MYO5B: variants seen among roughly 807,000 people sequenced by gnomAD.
MYO5B encodes myosin VB.
In MYO5B, 143 loss-of-function variants were observed where a neutral mutation model predicts 229.3. That is an observed-to-expected ratio of 0.62 (90% CI 0.54 to 0.72). MYO5B has a LOEUF of 0.72. Ranked by LOEUF, MYO5B falls within the 30% of genes least tolerant of loss-of-function variation. The pLI, the probability that MYO5B is intolerant of heterozygous loss-of-function variation, is 0.00. For missense variants in MYO5B, 2,321 were observed against 2,331.0 expected, an observed-to-expected ratio of 1.00 and a Z score of 0.09; for synonymous variants, 918 against 885.2, an observed-to-expected ratio of 1.04 and a Z score of -0.66.
At chr18:49,879,511 G>T in intron 23 of MYO5B, 1 of 242,196 alleles carries the variant, frequency 4.1e-6, no homozygotes, top group South Asian at 6.1e-5. Context: ...AGGAAAGAAG[G>T]CAAATAGAGA....
intron 17 of MYO5B, among the ~76,000 whole-genome samples, chr18:49,921,213 G>T (rs981994702): frequency 6.6e-6 from 1 of 150,438 alleles, no homozygotes; most frequent in East Asian, 2.0e-4. Flanking sequence ...CTTTTATGAA[G>T]TGAAGGTGGG....
At chr18:50,030,995 C>T (rs926018815) in intron 4 of MYO5B, among the ~76,000 whole-genome samples, 1 of 149,732 alleles carries the variant, frequency 6.7e-6, no homozygotes, top group Non-Finnish European at 1.5e-5. Flanking sequence ...ACCAACAAGG[C>T]TGGAAAACAC....
chr18:50,006,328 A>G (rs140151458), intron 4 of MYO5B, among the ~76,000 whole-genome samples: 143 of 152,304 alleles, frequency 9.4e-4, no homozygotes, highest in African/African-American at 3.3e-3. Context: ...ACTTGCATCA[A>G]TCTGCTTTTC....
chr18:50,026,627 G>A (rs531347055), intron 4 of MYO5B, among the ~76,000 whole-genome samples: 6 of 152,260 alleles, frequency 3.9e-5, no homozygotes, highest in Admixed American at 2.6e-4. Flanking sequence ...CCTATAAATG[G>A]AATCTTACTC....
chr18:50,009,488 T>C (rs188314028), intron 4 of MYO5B, among the ~76,000 whole-genome samples: 218 of 152,130 alleles, frequency 1.4e-3, no homozygotes, highest in African/African-American at 5.0e-3. Context: ...TATATTAATA[T>C]AAAAAACCTA....
chr18:49,918,571 G>A (rs934488880), intron 17 of MYO5B, among the ~76,000 whole-genome samples: 5 of 152,188 alleles, frequency 3.3e-5, no homozygotes, highest in Non-Finnish European at 7.3e-5. Flanking sequence ...CATGGAGGTG[G>A]AATGCAAGAG....
At chr18:50,136,374 T>A (rs562602116) in intron 1 of MYO5B, among the ~76,000 whole-genome samples, 2 of 151,042 alleles carry the variant, frequency 1.3e-5, no homozygotes, top group African/African-American at 4.9e-5. Context: ...CTTTTTTTTT[T>A]TTTTTTGCAT....
chr18:50,100,294 GCTGTCACA>G (rs1413038949), intron 1 of MYO5B, among the ~76,000 whole-genome samples: 6 of 152,210 alleles, frequency 3.9e-5, no homozygotes, highest in Non-Finnish European at 7.3e-5. Context: ...TTCCTCCTGA[GCTGTCACA>G]CTGAAGGCAG....
At chr18:50,112,937 C>T (rs1279030392) in intron 1 of MYO5B, among the ~76,000 whole-genome samples, 3 of 152,186 alleles carry the variant, frequency 2.0e-5, no homozygotes, top group East Asian at 1.9e-4. Flanking sequence ...ATCACAAACA[C>T]ACAATCCTGT....
intron 4 of MYO5B, among the ~76,000 whole-genome samples, chr18:50,006,238 G>C (rs2026099454): frequency 6.6e-6 from 1 of 152,176 alleles, no homozygotes; most frequent in Non-Finnish European, 1.5e-5. Context: ...ATGTTTACAA[G>C]TACAGAATCT....
intron 1 of MYO5B, among the ~76,000 whole-genome samples, chr18:50,094,651 G>A (rs1411262345): frequency 6.6e-6 from 1 of 152,158 alleles, no homozygotes; most frequent in African/African-American, 2.4e-5. Flanking sequence ...CCTATATGGA[G>A]ACCAGTGTTG....
intron 16 of MYO5B, among the ~76,000 whole-genome samples, chr18:49,932,259 T>C (rs2025201305): frequency 6.6e-6 from 1 of 152,196 alleles, no homozygotes; most frequent in South Asian, 2.1e-4. Context: ...ATGGCTCACT[T>C]GGTGCTGGTC....
At chr18:49,949,996 T>C (rs541498774) in intron 14 of MYO5B, among the ~76,000 whole-genome samples, 3 of 152,226 alleles carry the variant, frequency 2.0e-5, no homozygotes, top group African/African-American at 4.8e-5. Flanking sequence ...ATACTTAGAA[T>C]CACTCTTTGA....
intron 1 of MYO5B, among the ~76,000 whole-genome samples, chr18:50,074,429 T>C (rs1217339305): frequency 6.6e-6 from 1 of 152,200 alleles, no homozygotes; most frequent in East Asian, 1.9e-4. Flanking sequence ...GTCACTTCCC[T>C]GCTTAAAATC....
rs144869482 is a variant in MYO5B, at chr18:49,899,931, T to TTA, written c.2811+2662_2811+2663insTA. On this transcript the variant is annotated intron_variant, in intron 21 of 39. Transcript: ENST00000285039. ...TTAAGGCAAAAAGCTTTTTTTATTT[T>TTA]TTTTTTAAATAGGCCATTTAAATCT... Among the ~76,000 whole-genome samples, 840 of 151,908 alleles carry TTA rather than the reference T, an allele frequency of 5.5e-3. 12 individuals are homozygous for TTA. The highest frequency in any genetic ancestry group is 0.019 in the African/African-American group (795 of 41,286).
intron 17 of MYO5B, among the ~76,000 whole-genome samples, chr18:49,929,025 T>C (rs2025159919): frequency 6.6e-6 from 1 of 152,170 alleles, no homozygotes; most frequent in Non-Finnish European, 1.5e-5. Context: ...GTATACTGCT[T>C]GGGTGATGGG....
chr18:49,863,245 C>G lies in MYO5B; in HGVS notation c.3926G>C (p.Gly1309Ala), dbSNP rs775393225. 9 of 1,613,136 alleles carry G rather than the reference C, an allele frequency of 5.6e-6. No homozygotes were observed. In the Admixed American group the frequency reaches 1.5e-4, roughly 27 times the overall value. The stretch of plus-strand genomic sequence containing the variant: ...GCCTTACCTGTTTGTCTGGCAGACC[C>G]CGTGATAGGCCTCAATGGCATCCTC... The part of the protein sequence containing the change: ...DQEDAIEAYH[G>A]VCQTNSKTED... Residue 1309 changes from glycine to alanine, a missense_variant, in exon 29 of 40, where the codon GGG becomes GCG. Physicochemically the swap from Gly to Ala is moderately conservative, Grantham distance 60. Transcript: ENST00000285039.
intron 1 of MYO5B, among the ~76,000 whole-genome samples, chr18:50,058,938 G>A (rs771201468): frequency 1.3e-5 from 2 of 152,194 alleles, no homozygotes; most frequent in African/African-American, 2.4e-5. Context: ...CATGTGGGCA[G>A]GGTCCAACTT....
At chr18:49,886,650 T>G (rs1490876663) in intron 22 of MYO5B, among the ~76,000 whole-genome samples, 1 of 151,880 alleles carries the variant, frequency 6.6e-6, no homozygotes, top group African/African-American at 2.4e-5. Context: ...AAATAACATT[T>G]ATTGCCTATA....
Sources: gnomAD v4.1 joint callset for allele counts (sites outside exome capture counted in the v4.1 genomes callset) on GRCh38, gnomAD v4.1.1 for gene constraint, MANE v1.5 for transcripts, NCBI Gene and HGNC (gene_info 2026-07-23, HGNC 2026-07-21) for gene names.